The following DNAH14 variants were observed in gnomAD, a reference collection of about 807,000 sequenced individuals.
The protein encoded by DNAH14 is axonemal beta dynein heavy chain 14.
A neutral mutation model predicts 520.9 loss-of-function variants in DNAH14; 478 were observed. The ratio of observed to expected loss-of-function variants is 0.92; its 90% CI spans 0.85 to 0.99. The LOEUF is 0.99. Ranked by LOEUF, DNAH14 falls within the 50% of genes least tolerant of loss-of-function variation. The pLI, the probability that DNAH14 is intolerant of heterozygous loss-of-function variation, is 0.00. For missense variants in DNAH14, 4,831 were observed against 5,234.5 expected (o/e 0.92, Z 2.38); for synonymous variants, 1,581 against 1,757.2 (o/e 0.90, Z 2.51).
chr1:225,109,725 G>A (rs2076344483), intron 23 of DNAH14, among the ~76,000 whole-genome samples: 1 of 152,012 alleles, frequency 6.6e-6, no homozygotes, highest in African/African-American at 2.4e-5. Flanking sequence ...GCTCCAGCTA[G>A]GACTTCCAGT....
intron 10 of DNAH14, among the ~76,000 whole-genome samples, chr1:225,008,323 A>C (rs1315179407): frequency 6.6e-6 from 1 of 152,148 alleles, no homozygotes. Context: ...CCAGTCTAAC[A>C]TTAATGGGCA....
At chr1:225,225,832 A>G (rs1353138047) in intron 41 of DNAH14, among the ~76,000 whole-genome samples, 12 of 152,164 alleles carry the variant, frequency 7.9e-5, no homozygotes, top group African/African-American at 2.9e-4. Context: ...ATTCCAGCAC[A>G]ATGCATAAAA....
At chr1:225,396,498 A>G (rs1313618525) in intron 84 of DNAH14, 2 of 152,174 alleles carry the variant, frequency 1.3e-5, no homozygotes, top group African/African-American at 4.8e-5. Context: ...AGTCTAGCTG[A>G]CTCTACACCC....
chr1:225,262,427 T>A (rs2092966086), intron 46 of DNAH14, among the ~76,000 whole-genome samples: 1 of 152,108 alleles, frequency 6.6e-6, no homozygotes, highest in Non-Finnish European at 1.5e-5. Flanking sequence ...TAGGCCAATG[T>A]CCAGAAGAGT....
At chr1:225,072,043 T>C (rs2071608556) in intron 17 of DNAH14, among the ~76,000 whole-genome samples, 3 of 152,210 alleles carry the variant, frequency 2.0e-5, no homozygotes, top group Admixed American at 2.0e-4. Flanking sequence ...TTCTCGTGGA[T>C]CTTACTAGGG....
intron 21 of DNAH14, among the ~76,000 whole-genome samples, chr1:225,093,510 AC>A (rs2074600205): frequency 6.6e-6 from 1 of 152,110 alleles, no homozygotes; most frequent in African/African-American, 2.4e-5. Context: ...TATATGACAA[AC>A]CCGCAGCCAA....
intron 38 of DNAH14, among the ~76,000 whole-genome samples, chr1:225,201,506 A>T (rs1469455040): frequency 6.6e-6 from 1 of 152,022 alleles, no homozygotes; most frequent in African/African-American, 2.4e-5. Context: ...TGTCAGAGGG[A>T]AGGTCTAGGA....
chr1:225,329,981 A>G (rs2094759246), intron 64 of DNAH14, among the ~76,000 whole-genome samples: 1 of 152,220 alleles, frequency 6.6e-6, no homozygotes, highest in South Asian at 2.1e-4. Flanking sequence ...CCAATTTGAA[A>G]ATGAGTAAAA....
intron 23 of DNAH14, among the ~76,000 whole-genome samples, chr1:225,112,011 G>T (rs1383839883): frequency 6.6e-6 from 1 of 151,938 alleles, no homozygotes; most frequent in African/African-American, 2.4e-5. Flanking sequence ...GTCTTGAAAA[G>T]TTGTTCTAGT....
intron 76 of DNAH14, among the ~76,000 whole-genome samples, chr1:225,367,106 A>G (rs2095562873): frequency 6.6e-6 from 1 of 151,336 alleles, no homozygotes; most frequent in Non-Finnish European, 1.5e-5. Context: ...TACCCACACA[A>G]CTTATGTAAG....
At chr1:225,329,781 C>T (rs1574812577) in intron 64 of DNAH14, among the ~76,000 whole-genome samples, 1 of 151,982 alleles carries the variant, frequency 6.6e-6, no homozygotes, top group East Asian at 1.9e-4. Context: ...CACAGGTAAC[C>T]AAAGCAAACA....
At chr1:225,133,055 C>T (rs1383600027) in intron 27 of DNAH14, among the ~76,000 whole-genome samples, 1 of 152,130 alleles carries the variant, frequency 6.6e-6, no homozygotes, top group East Asian at 1.9e-4. Context: ...GTCCTTTGCC[C>T]ACTTTTTAAT....
Position 225,043,097 on chromosome 1 carries a change from T to G in DNAH14, c.1751T>G (p.Leu584Arg), listed in dbSNP as rs747563857. The stretch of plus-strand genomic sequence containing the variant: ...AAATCAAAAGAAATTAGTTACAATC[T>G]TGAAGATATTATTTCAGGTAAGACA... ...AKKSKEISYN[L>R]EDIISDTEIE... Residue 584 changes from leucine (L) to arginine (R), a missense_variant, in exon 13 of 86, where the codon CTT becomes CGT. Coordinates refer to ENST00000682510, the MANE Select transcript of DNAH14 (RefSeq NM_001367479.1). 6.4e-7 allele frequency: 1 copy of G among 1,550,402 alleles called. No homozygotes were observed. Among genetic ancestry groups the G allele is most frequent in the South Asian group, 1.2e-5 (1 of 83,932 alleles).
At chr1:225,099,747 G>A (rs954452297) in intron 22 of DNAH14, among the ~76,000 whole-genome samples, 3 of 152,166 alleles carry the variant, frequency 2.0e-5, no homozygotes, top group Non-Finnish European at 4.4e-5. Context: ...CAGCTGGCAA[G>A]AGCCAATGAA....
chr1:225,346,420 A>T, intron 70 of DNAH14, 36 bp from the exon 71 acceptor site: 1 of 1,530,008 alleles, frequency 6.5e-7, no homozygotes, highest in Non-Finnish European at 8.8e-7. Flanking sequence ...TGCTTATTTA[A>T]TCTCACTGGA....
intron 41 of DNAH14, among the ~76,000 whole-genome samples, chr1:225,226,473 C>A (rs1175506948): frequency 1.3e-5 from 2 of 152,220 alleles, no homozygotes; most frequent in African/African-American, 4.8e-5. Context: ...AACATTCCTC[C>A]CTGTGCTAAA....
intron 38 of DNAH14, among the ~76,000 whole-genome samples, chr1:225,201,963 C>A (rs1450003159): frequency 6.6e-6 from 1 of 150,486 alleles, no homozygotes; most frequent in African/African-American, 2.5e-5. Flanking sequence ...GCAACCTCTG[C>A]CTCCCAGGTT....
At chr1:225,287,251 A>G (rs1158145844) in intron 54 of DNAH14, among the ~76,000 whole-genome samples, 2 of 152,214 alleles carry the variant, frequency 1.3e-5, no homozygotes, top group Admixed American at 6.5e-5. Context: ...TAATCCCAGG[A>G]TGAAATGCAG....
intron 21 of DNAH14, among the ~76,000 whole-genome samples, chr1:225,090,816 G>A (rs1432136567): frequency 6.6e-6 from 1 of 152,036 alleles, no homozygotes; most frequent in Admixed American, 6.6e-5. Flanking sequence ...CTTGCTTTAG[G>A]CAGATTTCTT....
Sources: gnomAD v4.1 joint callset for allele counts (sites outside exome capture counted in the v4.1 genomes callset) on GRCh38, gnomAD v4.1.1 for gene constraint, MANE v1.5 for transcripts, NCBI Gene and HGNC (gene_info 2026-07-23, HGNC 2026-07-21) for gene names.